VDAC2: variants seen among roughly 807,000 people sequenced by gnomAD.
VDAC2 encodes voltage dependent anion channel 2, also known as non-selective voltage-gated ion channel VDAC2.
VDAC2 carries 6 observed loss-of-function variants against 36.6 expected under a neutral mutation model. The observed-to-expected ratio is 0.16, with a 90% CI of 0.09 to 0.32. VDAC2 has a LOEUF of 0.32. VDAC2 is among the 10% of genes least tolerant of loss of function. VDAC2 has a pLI of 1.00. For missense variants in VDAC2, 247 were observed against 346.0 expected (o/e 0.71, Z 2.27); for synonymous variants, 109 against 123.8 (o/e 0.88, Z 0.79).
chr10:75,217,793 C>G, intron 4 of VDAC2: 1 of 676,822 alleles, frequency 1.5e-6, no homozygotes, highest in Non-Finnish European at 2.1e-6. Context: ...TCTCTAACAG[C>G]AGAGCAATAG....
intron 4 of VDAC2, among the ~76,000 whole-genome samples, 198 bp from the exon 5 acceptor site, chr10:75,218,865 C>T (rs989544021): frequency 8.5e-5 from 13 of 152,078 alleles, no homozygotes; most frequent in Non-Finnish European, 1.6e-4. Flanking sequence ...CAGTCAGTTG[C>T]TCAAAGGCTT....
chr10:75,224,503 A>G (rs1053561105), intron 8 of VDAC2, among the ~76,000 whole-genome samples: 1 of 152,178 alleles, frequency 6.6e-6, no homozygotes, highest in Non-Finnish European at 1.5e-5. Flanking sequence ...CACCCCTGCT[A>G]TGGAGCCACA....
rs543176418 is a variant in VDAC2 at position 75,228,136 on chromosome 10, C to T, written c.736-1508C>T. On this transcript the variant is annotated intron_variant, in intron 8 of 9. Coordinates refer to ENST00000332211, the MANE Select transcript of VDAC2 (RefSeq NM_001391963.1). ...GTCTCGATTTCCTGACCTTGTGGTC[C>T]GCCTGCCTCGGCCTCCCAAAGTGCT... Among the ~76,000 whole-genome samples, 18 of 149,264 alleles carry T rather than the reference C, an allele frequency of 1.2e-4. No homozygotes were observed. The East Asian group carries it at 3.2e-3, about 27-fold the overall frequency.
In VDAC2 at chr10:75,227,353, T is replaced by A. The variant is rs569023370; in HGVS notation, c.736-2291T>A. Among the ~76,000 whole-genome samples the A allele has an allele frequency of 6.5e-4, 99 of 152,222 alleles. 1 individual carries two copies. Among genetic ancestry groups the A allele is most frequent in the African/African-American group, 1.8e-3 (75 of 41,540 alleles). ...TGAAAATGAGGGCGGGGCAGTTTTA[T>A]GAAACTGAGCCCTGAACCTGTGTGA... is the stretch of plus-strand genomic sequence containing the variant. On this transcript the variant is annotated intron_variant, in intron 8 of 9. Transcript: ENST00000332211.
At chr10:75,211,071 C>G (rs563102950) in intron 1 of VDAC2, 63 bp from the exon 2 acceptor site, 1 of 1,471,730 alleles carries the variant, frequency 6.8e-7, no homozygotes, top group South Asian at 1.3e-5. Context: ...TCGCCCCTCT[C>G]TGCCCGGGAT....
In VDAC2 at chr10:75,231,175, T is replaced by TA; in HGVS notation, c.*187dup. 1.8e-6 allele frequency: 1 copy of TA among 561,764 alleles called. No individual in the cohort carries two copies. Among genetic ancestry groups the TA allele is most frequent in the South Asian group, 2.4e-5 (1 of 42,256 alleles). 34.8% of individuals were successfully genotyped at this position (561,764 alleles called of 1,614,324 possible). A position where few individuals can be genotyped will look rare whatever the true frequency, so the allele number is the denominator to read the frequency against. On this transcript the variant is annotated 3_prime_UTR_variant, in exon 10 of 10. Coordinates refer to ENST00000332211, the MANE Select transcript of VDAC2 (RefSeq NM_001391963.1). ...GCTGGTTTCTAGTTGGTTATCTAGT[T>TA]ACCAATGCTGCAGTCCTGCAGTCAC...
At chr10:75,212,930 T>TA (rs1589997515) in intron 3 of VDAC2, among the ~76,000 whole-genome samples, 1 of 152,222 alleles carries the variant, frequency 6.6e-6, no homozygotes, top group Admixed American at 6.5e-5. Context: ...TGGTGACTCC[T>TA]AATACTTTAT....
chr10:75,228,202 G>C (rs115074195), intron 8 of VDAC2, among the ~76,000 whole-genome samples: 3,373 of 150,812 alleles, frequency 0.022, 136 homozygotes, highest in African/African-American at 0.077. Context: ...CCAATAATAG[G>C]AATGTCTATC....
intron 8 of VDAC2, among the ~76,000 whole-genome samples, chr10:75,226,314 G>A (rs1841950236): frequency 6.6e-6 from 1 of 151,998 alleles, no homozygotes; most frequent in Admixed American, 6.6e-5. Context: ...CAAGTTCCTG[G>A]CTCACAGCTT....
chr10:75,210,957 C>T lies in VDAC2; in HGVS notation c.-26+19C>T. 2.1e-6 allele frequency: 1 copy of T among 479,250 alleles called. No homozygotes were observed. Among genetic ancestry groups the T allele is most frequent in the Non-Finnish European group, 3.5e-6 (1 of 281,718 alleles). The allele number at this position is 479,250 out of a possible 1,614,324, so 29.7% of individuals were successfully genotyped here. On this transcript the variant is annotated intron_variant, in intron 1 of 9. Coordinates refer to ENST00000332211, the MANE Select transcript of VDAC2 (RefSeq NM_001391963.1). ...CCACCAGGTACCGCCGCGCCCGCCTCACGCCGACCCAGGGGCCTAGGCCGC... is the reference window on the plus strand; with the variant it reads ...CCACCAGGTACCGCCGCGCCCGCCTTACGCCGACCCAGGGGCCTAGGCCGC...
At chr10:75,213,501 T>G (rs922437449) in intron 3 of VDAC2, among the ~76,000 whole-genome samples, 1 of 152,108 alleles carries the variant, frequency 6.6e-6, no homozygotes. Context: ...TCCCAGCACT[T>G]TGGGAGGCCG....
At chr10:75,219,278 A>G in intron 5 of VDAC2, 26 bp from the exon 6 acceptor site, 1 of 1,573,352 alleles carries the variant, frequency 6.4e-7, no homozygotes, top group South Asian at 1.2e-5. Flanking sequence ...AAAAAAAGAA[A>G]ACAAATTACT....
chr10:75,218,600 A>G (rs1219678797), intron 4 of VDAC2, among the ~76,000 whole-genome samples: 1 of 152,138 alleles, frequency 6.6e-6, no homozygotes, highest in East Asian at 1.9e-4. Flanking sequence ...CATCTGTACT[A>G]AAAATACAAA....
At chr10:75,222,170 A>C (rs1288259216) in intron 7 of VDAC2, 82 bp from the exon 8 acceptor site, 12 of 1,409,376 alleles carry the variant, frequency 8.5e-6, no homozygotes, top group Non-Finnish European at 1.1e-5. Context: ...TTTTTATTTA[A>C]ATGTAATGCT....
chr10:75,216,002 GC>G (rs34387725), intron 4 of VDAC2, among the ~76,000 whole-genome samples: 1 of 152,226 alleles, frequency 6.6e-6, no homozygotes, highest in African/African-American at 2.4e-5. Flanking sequence ...CACAGCGCTA[GC>G]CCTGTAGTTT....
At chr10:75,214,811 C>T (rs1240168685) in intron 4 of VDAC2, among the ~76,000 whole-genome samples, 1 of 152,220 alleles carries the variant, frequency 6.6e-6, no homozygotes, top group African/African-American at 2.4e-5. Flanking sequence ...AGGTGTGAGT[C>T]ACCATGCCCA....
chr10:75,218,841 T>A (rs1304778213), intron 4 of VDAC2, among the ~76,000 whole-genome samples: 1 of 152,122 alleles, frequency 6.6e-6, no homozygotes, highest in Non-Finnish European at 1.5e-5. Flanking sequence ...GTGTCAGCTG[T>A]GTATGTAAAG....
chr10:75,218,985 T>C lies in VDAC2; in HGVS notation c.151-78T>C. 2.1e-6 allele frequency: 3 copies of C among 1,424,686 alleles called. No individual in the cohort carries two copies. The South Asian group carries it at 4.3e-5, about 20-fold the overall frequency. 88.3% of individuals were successfully genotyped at this position (1,424,686 alleles called of 1,614,324 possible). ...TTTACCAAATGTTTCAGGGGGTTTGTGTGTGTGTGCGTGTGTAAGGCAGTG... is the reference window on the plus strand; with the variant it reads ...TTTACCAAATGTTTCAGGGGGTTTGCGTGTGTGTGCGTGTGTAAGGCAGTG... On this transcript the variant is annotated intron_variant, in intron 4 of 9. Transcript: ENST00000332211.
chr10:75,221,661 A>C lies in VDAC2; in HGVS notation c.585-591A>C, dbSNP rs374543150. 1.2e-4 allele frequency among the ~76,000 whole-genome samples: 18 copies of C among 151,874 alleles called. No individual in the cohort carries two copies. The East Asian group carries it at 1.7e-3, about 15-fold the overall frequency. On this transcript the variant is annotated intron_variant, in intron 7 of 9. Coordinates refer to ENST00000332211, the MANE Select transcript of VDAC2 (RefSeq NM_001391963.1). ...TTTGTTTTTAATTATTTTTGTAGAG[A>C]TGGGGTCTTGCTATGTTGCCCAGGC...
Sources: gnomAD v4.1 joint callset for allele counts (sites outside exome capture counted in the v4.1 genomes callset) on GRCh38, gnomAD v4.1.1 for gene constraint, MANE v1.5 for transcripts, NCBI Gene and HGNC (gene_info 2026-07-23, HGNC 2026-07-21) for gene names.